The following CDC42EP3 variants were observed in gnomAD, a reference collection of about 807,000 sequenced individuals.
CDC42EP3 encodes the protein CDC42 effector protein 3.
A neutral mutation model predicts 15.5 loss-of-function variants in CDC42EP3; 4 were observed. The ratio of observed to expected loss-of-function variants is 0.26; its 90% CI spans 0.13 to 0.59. The LOEUF is 0.59. Ranked by LOEUF, CDC42EP3 falls within the 20% of genes least tolerant of loss-of-function variation. The pLI is 0.89. For synonymous variants in CDC42EP3, 145 were observed against 130.3 expected, an observed-to-expected ratio of 1.11 and a Z score of -0.77; for missense variants, 309 against 311.2, an observed-to-expected ratio of 0.99 and a Z score of 0.05.
At chr2:37,668,400 T>A (rs1666309582) in intron 1 of CDC42EP3, among the ~76,000 whole-genome samples, 1 of 152,230 alleles carries the variant, frequency 6.6e-6, no homozygotes, top group Non-Finnish European at 1.5e-5. Flanking sequence ...TAATCTTTTT[T>A]AACTCCTTTA....
Position 37,670,707 on chromosome 2 carries a change from C to A in CDC42EP3, c.-236+719G>T, listed in dbSNP as rs544714682. On this transcript the variant is annotated intron_variant, in intron 1 of 1. Coordinates refer to ENST00000295324, the MANE Select transcript of CDC42EP3 (RefSeq NM_006449.5). ...CTGCACAGTATAAAGGAGATCCTGCCCAAAAATATGCTACTTTCTATTTAT... is the reference window on the plus strand; with the variant it reads ...CTGCACAGTATAAAGGAGATCCTGCACAAAAATATGCTACTTTCTATTTAT... 1.2e-3 allele frequency among the ~76,000 whole-genome samples: 176 copies of A among 152,098 alleles called. 2 individuals carry two copies. The highest frequency in any genetic ancestry group is 4.2e-3 in the African/African-American group (173 of 41,470).
chr2:37,672,768 T>C (rs1007904205), upstream of CDC42EP3, among the ~76,000 whole-genome samples: 1 of 152,146 alleles, frequency 6.6e-6, no homozygotes, highest in African/African-American at 2.4e-5. Flanking sequence ...GCCTGGCCTC[T>C]GCCCTGAGAC....
At chr2:37,655,684 T>C (rs892204527) in intron 1 of CDC42EP3, among the ~76,000 whole-genome samples, 2 of 152,202 alleles carry the variant, frequency 1.3e-5, no homozygotes, top group East Asian at 3.8e-4. Flanking sequence ...TGTGAATCTC[T>C]GATAAGGCCA....
At chr2:37,653,314 C>A (rs994318222) in intron 1 of CDC42EP3, among the ~76,000 whole-genome samples, 1 of 151,974 alleles carries the variant, frequency 6.6e-6, no homozygotes. Context: ...ACAAAAGGAC[C>A]GGAGAGGAAG....
chr2:37,650,201 GGA>G (rs1398396655), intron 1 of CDC42EP3, among the ~76,000 whole-genome samples: 1 of 152,136 alleles, frequency 6.6e-6, no homozygotes, highest in Non-Finnish European at 1.5e-5. Flanking sequence ...ATTGATCCCA[GGA>G]GAGTCAATCC....
chr2:37,654,048 G>C (rs1665771451), intron 1 of CDC42EP3, among the ~76,000 whole-genome samples: 1 of 152,132 alleles, frequency 6.6e-6, no homozygotes, highest in Admixed American at 6.5e-5. Flanking sequence ...CACCATCTGA[G>C]CCCCATGCCA....
In CDC42EP3 at chr2:37,643,019, C is replaced by T. The variant is rs567306815; in HGVS notation, c.*2804G>A. 109 of 152,284 alleles carry T rather than the reference C, an allele frequency of 7.2e-4. No individual in the cohort carries two copies. Among genetic ancestry groups the T allele is most frequent in the African/African-American group, 2.5e-3 (105 of 41,560 alleles). 9.4% of individuals were successfully genotyped at this position (152,284 alleles called of 1,614,324 possible). A position where few individuals can be genotyped will look rare whatever the true frequency, so the allele number is the denominator to read the frequency against. ...TTAGGTCTCACTAGGGGAAAAAAAT[C>T]GCTCACAAGAGCCTTGCCTACCTCA... On this transcript the variant is annotated 3_prime_UTR_variant, in exon 2 of 2. Transcript: ENST00000295324.
chr2:37,666,755 C>T (rs1666262776), intron 1 of CDC42EP3, among the ~76,000 whole-genome samples: 1 of 151,524 alleles, frequency 6.6e-6, no homozygotes. Context: ...CTGTCAAATT[C>T]AGTCCATCAT....
At chr2:37,650,737 T>C (rs1665646222) in intron 1 of CDC42EP3, among the ~76,000 whole-genome samples, 1 of 152,152 alleles carries the variant, frequency 6.6e-6, no homozygotes, top group Non-Finnish European at 1.5e-5. Flanking sequence ...ATGAAAGGGG[T>C]GCATTCCAAA....
At chr2:37,657,163 C>G (rs1238208683) in intron 1 of CDC42EP3, among the ~76,000 whole-genome samples, 1 of 152,072 alleles carries the variant, frequency 6.6e-6, no homozygotes, top group Admixed American at 6.6e-5. Context: ...CACTTCATTT[C>G]CCTCCTAACC....
At position 37,643,929 on chromosome 2, in the gene CDC42EP3, T is replaced by A. The variant is rs530260041; in HGVS notation, c.*1894A>T. ...AAGCTTGTCCAACCTGTGGCCCGCA[T>A]GAAGTCCAACACAAATTTTTAAACT... On this transcript the variant is annotated 3_prime_UTR_variant, in exon 2 of 2. Coordinates refer to ENST00000295324, the MANE Select transcript of CDC42EP3 (RefSeq NM_006449.5). The A allele has an allele frequency of 2.0e-5, 3 of 151,598 alleles. No individual in the cohort carries two copies. The highest frequency in any genetic ancestry group is 2.9e-5 in the Non-Finnish European group (2 of 67,950). The allele number at this position is 151,598 out of a possible 1,614,324, so 9.4% of individuals were successfully genotyped here.
At chr2:37,650,152 G>T (rs150513717) in intron 1 of CDC42EP3, among the ~76,000 whole-genome samples, 1 of 152,068 alleles carries the variant, frequency 6.6e-6, no homozygotes, top group Non-Finnish European at 1.5e-5. Flanking sequence ...TCCTTCTATT[G>T]CATCTGTTCT....
chr2:37,654,044 C>G (rs934208466), intron 1 of CDC42EP3, among the ~76,000 whole-genome samples: 2 of 152,194 alleles, frequency 1.3e-5, no homozygotes, highest in Non-Finnish European at 1.5e-5. Flanking sequence ...ACTGCACCAT[C>G]TGAGCCCCAT....
At position 37,645,755 on chromosome 2, in the gene CDC42EP3, C is replaced by A; in HGVS notation, c.*68G>T. On this transcript the variant is annotated 3_prime_UTR_variant, in exon 2 of 2. Transcript: ENST00000295324. ...AAACTGCAAATACAGCTCCGGAAGCCCTTCTCTTCAACTGTGGTTAGTTTG... is the reference window on the plus strand; with the variant it reads ...AAACTGCAAATACAGCTCCGGAAGCACTTCTCTTCAACTGTGGTTAGTTTG... 8.2e-7 allele frequency: 1 copy of A among 1,226,730 alleles called. No individual in the cohort carries two copies. Among genetic ancestry groups the A allele is most frequent in the Non-Finnish European group, 1.1e-6 (1 of 895,500 alleles). 76.0% of individuals were successfully genotyped at this position (1,226,730 alleles called of 1,614,324 possible). A position where few individuals can be genotyped will look rare whatever the true frequency, so the allele number is the denominator to read the frequency against.
In CDC42EP3 at chr2:37,644,647, C is replaced by T. The variant is rs1451054488; in HGVS notation, c.*1176G>A. On this transcript the variant is annotated 3_prime_UTR_variant, in exon 2 of 2. Transcript: ENST00000295324. Reference sequence around the variant, plus strand: ...TTAAAAAAAAAAAAAAAAATCTGACCTCACATGTTCATTTTTCCAAAAGTA... The same window carrying T: ...TTAAAAAAAAAAAAAAAAATCTGACTTCACATGTTCATTTTTCCAAAAGTA... 6.6e-6 allele frequency: 1 copy of T among 151,118 alleles called. No individual in the cohort carries two copies. The highest frequency in any genetic ancestry group is 1.5e-5 in the Non-Finnish European group (1 of 67,884). 9.4% of individuals were successfully genotyped at this position (151,118 alleles called of 1,614,324 possible).
intron 1 of CDC42EP3, among the ~76,000 whole-genome samples, chr2:37,660,786 G>GT (rs912597923): frequency 2.2e-5 from 3 of 135,114 alleles, no homozygotes; most frequent in African/African-American, 5.6e-5. Context: ...CTACCTTAAG[G>GT]TTAAAAAAAA....
intron 1 of CDC42EP3, among the ~76,000 whole-genome samples, chr2:37,660,545 T>C (rs146342541): frequency 7.2e-5 from 11 of 152,302 alleles, no homozygotes; most frequent in African/African-American, 2.6e-4. Flanking sequence ...CCTTAAGACA[T>C]AAATAAATAC....
chr2:37,666,113 G>T (rs1333457299), intron 1 of CDC42EP3, among the ~76,000 whole-genome samples: 1 of 152,054 alleles, frequency 6.6e-6, no homozygotes, highest in African/African-American at 2.4e-5. Flanking sequence ...TTCCTGTAAC[G>T]CCTGTGGTTC....
At chr2:37,672,926 C>G (rs888852227), upstream of CDC42EP3, among the ~76,000 whole-genome samples, 1 of 152,206 alleles carries the variant, frequency 6.6e-6, no homozygotes, top group African/African-American at 2.4e-5. Context: ...ATGTTGTAAA[C>G]CCAGGCTGAC....
Sources: gnomAD v4.1 joint callset for allele counts (sites outside exome capture counted in the v4.1 genomes callset) on GRCh38, gnomAD v4.1.1 for gene constraint, MANE v1.5 for transcripts, NCBI Gene and HGNC (gene_info 2026-07-23, HGNC 2026-07-21) for gene names.